The following TOMM70 variants were observed in gnomAD, a reference collection of about 807,000 sequenced individuals.
The protein encoded by TOMM70 is mitochondrial import receptor subunit TOM70.
A neutral mutation model predicts 73.6 loss-of-function variants in TOMM70; 13 were observed. The observed-to-expected ratio is 0.18, with a 90% CI of 0.11 to 0.28. The LOEUF (loss-of-function observed/expected upper bound fraction) is 0.28, where lower values mean the gene tolerates loss of function less well. Ranked by LOEUF, TOMM70 falls within the 10% of genes least tolerant of loss-of-function variation. The probability of loss-of-function intolerance (pLI) is 1.00; values close to 1 mark genes in which losing one functional copy is unlikely to be tolerated. For synonymous variants in TOMM70, 257 were observed against 271.2 expected (o/e 0.95, Z 0.51); for missense variants, 609 against 747.5 (o/e 0.81, Z 2.16).
At chr3:100,389,912 C>G (rs1161496615) in intron 1 of TOMM70, among the ~76,000 whole-genome samples, 1 of 152,032 alleles carries the variant, frequency 6.6e-6, no homozygotes, top group African/African-American at 2.4e-5. Flanking sequence ...TGGTGGCAGG[C>G]ACCTGTAGTC....
At chr3:100,386,095 T>C (rs1459139388) in intron 3 of TOMM70, 123 bp downstream of exon 3, 2 of 1,081,656 alleles carry the variant, frequency 1.8e-6, no homozygotes, top group Non-Finnish European at 2.6e-6. Context: ...CAATCTTAAG[T>C]GCAAAGGAAT....
chr3:100,385,310 C>G (rs975414846), intron 3 of TOMM70, among the ~76,000 whole-genome samples: 51 of 152,212 alleles, frequency 3.4e-4, no homozygotes, highest in African/African-American at 1.0e-3. Flanking sequence ...TTAGTAACTT[C>G]AAGGTCTGGT....
At position 100,400,905 on chromosome 3, in the gene TOMM70, A is replaced by G; in HGVS notation, c.45T>C (p.Ala15=). The G allele has an allele frequency of 6.6e-7, 1 of 1,525,396 alleles. No homozygotes were observed. The highest frequency in any genetic ancestry group is 1.2e-5 in the South Asian group (1 of 83,542). 94.5% of individuals were successfully genotyped at this position (1,525,396 alleles called of 1,614,324 possible). The change falls in exon 1 of 12, where the codon GCT becomes GCC. Residue 15 remains alanine (A), a synonymous_variant. Transcript: ENST00000284320. ...KPVEAAVVAA[A]VPSSGSGVGG... ...CCACCCCACTCCCGGAGCTCGGTAC[A>G]GCGGCTGCGACCACCGCTGCCTCCA...
In TOMM70 at chr3:100,384,957, CCT is replaced by C. The variant is rs541700420; in HGVS notation, c.626-371_626-370del. On this transcript the variant is annotated intron_variant, in intron 3 of 11. Coordinates refer to ENST00000284320, the MANE Select transcript of TOMM70 (RefSeq NM_014820.5). The stretch of plus-strand genomic sequence containing the variant: ...TTGTTTATAGGCCTCAGAGTTATTC[CCT>C]GTCTCCAAAGCCATCTTGCCACAGA... Among the ~76,000 whole-genome samples, 312 of 152,254 alleles carry C rather than the reference CCT, an allele frequency of 2.0e-3. 1 individual carries two copies. Among genetic ancestry groups the C allele is most frequent in the African/African-American group, 7.1e-3 (295 of 41,528 alleles).
chr3:100,376,866 T>A lies in TOMM70; in HGVS notation c.1092+839A>T, dbSNP rs113253915. On this transcript the variant is annotated intron_variant, in intron 6 of 11. Transcript: ENST00000284320. Reference sequence around the variant, plus strand: ...CATACATATAGAACAAATAATAACATCCTCCACAATTATAACAAAAACATA... The same window carrying A: ...CATACATATAGAACAAATAATAACAACCTCCACAATTATAACAAAAACATA... Among the ~76,000 whole-genome samples, 938 of 152,144 alleles carry A rather than the reference T, an allele frequency of 6.2e-3. 8 individuals are homozygous for A. The highest frequency in any genetic ancestry group is 0.021 in the African/African-American group (877 of 41,490).
intron 1 of TOMM70, among the ~76,000 whole-genome samples, chr3:100,387,635 C>CACACACACACGT (rs1437188432): frequency 1.1e-4 from 12 of 110,082 alleles, no homozygotes; most frequent in African/African-American, 4.4e-4. Flanking sequence ...CACACACACA[C>CACACACACACGT]GTATATACTT....
At chr3:100,395,940 G>A (rs1706821015) in intron 1 of TOMM70, among the ~76,000 whole-genome samples, 2 of 151,320 alleles carry the variant, frequency 1.3e-5, no homozygotes, top group Non-Finnish European at 1.5e-5. Context: ...CTTAGGTAGA[G>A]AGAAGTTTCA....
intron 7 of TOMM70, among the ~76,000 whole-genome samples, chr3:100,374,805 T>A (rs1046997487): frequency 6.6e-6 from 1 of 152,232 alleles, no homozygotes; most frequent in African/African-American, 2.4e-5. Flanking sequence ...TGCCTTCCTT[T>A]ACTCTTTTTT....
At position 100,400,999 on chromosome 3, in the gene TOMM70, C is replaced by A; in HGVS notation, c.-50G>T. 1 of 1,505,642 alleles carries A rather than the reference C, an allele frequency of 6.6e-7. No homozygotes were observed. The highest frequency in any genetic ancestry group is 1.2e-5 in the South Asian group (1 of 82,866). The allele number at this position is 1,505,642 out of a possible 1,614,324, so 93.3% of individuals were successfully genotyped here. A position where few individuals can be genotyped will look rare whatever the true frequency, so the allele number is the denominator to read the frequency against. ...CCCTGTCTGTCGCGAGCGCCACAAT[C>A]ACCAAACAGCGTGCGAAGGAAGACC... On this transcript the variant is annotated 5_prime_UTR_variant, in exon 1 of 12. Coordinates refer to ENST00000284320, the MANE Select transcript of TOMM70 (RefSeq NM_014820.5).
intron 1 of TOMM70, 25 bp downstream of exon 1, chr3:100,400,601 T>A (rs780358469): frequency 1.9e-6 from 3 of 1,604,776 alleles, no homozygotes; most frequent in Non-Finnish European, 2.6e-6. Flanking sequence ...AGTTTCCTCC[T>A]CTACGGCCTG....
intron 1 of TOMM70, among the ~76,000 whole-genome samples, chr3:100,395,542 C>CA (rs59048767): frequency 0.24 from 19,512 of 80,644 alleles, 3,029 homozygotes; most frequent in East Asian, 0.49. Context: ...GACTCCAACT[C>CA]AAAAAAAAAA....
At chr3:100,387,631 C>G (rs1377350309) in intron 1 of TOMM70, among the ~76,000 whole-genome samples, 9 of 128,050 alleles carry the variant, frequency 7.0e-5, no homozygotes. Context: ...CACACACACA[C>G]ACACGTATAT....
chr3:100,368,230 TAATATGA>T (rs1269775490), intron 10 of TOMM70, 64 bp from the exon 11 acceptor site: 6 of 1,515,214 alleles, frequency 4.0e-6, no homozygotes, highest in Non-Finnish European at 5.3e-6. Context: ...ACACACACAT[TAATATGA>T]CTCAATTTCT....
rs758285565 is a variant in TOMM70, at chr3:100,400,696, G to T, written c.254C>A (p.Thr85Asn). The stretch of plus-strand genomic sequence containing the variant: ...GGCCGGACTGGCCCTGCCCTCCGGG[G>T]TCTTCCGTTCGCTGTTGCGCTTCAG... ...SGLKRNSERK[T>N]PEGRASPAPG... The change falls in exon 1 of 12, where the codon ACC becomes AAC. Residue 85 changes from threonine to asparagine, a missense_variant. Transcript: ENST00000284320. 1.2e-6 allele frequency: 2 copies of T among 1,611,672 alleles called. No individual in the cohort carries two copies. The highest frequency in any genetic ancestry group is 4.5e-5 in the East Asian group (2 of 44,830).
chr3:100,363,544 A>G lies in TOMM70; in HGVS notation c.*2020T>C, dbSNP rs1366722487. 1.3e-5 allele frequency: 2 copies of G among 152,672 alleles called. No individual in the cohort carries two copies. The highest frequency in any genetic ancestry group is 6.5e-5 in the Admixed American group (1 of 15,276). 9.5% of individuals were successfully genotyped at this position (152,672 alleles called of 1,614,324 possible). On this transcript the variant is annotated 3_prime_UTR_variant, in exon 12 of 12. Transcript: ENST00000284320. ...TACAGACAGATGCAGCTTTCAGTGC[A>G]GTTTCAAACATTTTCACAACAGGCA... is the stretch of plus-strand genomic sequence containing the variant.
At chr3:100,367,519 A>G (rs1428026234) in intron 11 of TOMM70, among the ~76,000 whole-genome samples, 1 of 152,224 alleles carries the variant, frequency 6.6e-6, no homozygotes, top group African/African-American at 2.4e-5. Flanking sequence ...TAGGGATCAT[A>G]TAATCTCCAC....
At chr3:100,380,353 A>AG (rs1706619440) in intron 5 of TOMM70, among the ~76,000 whole-genome samples, 1 of 152,096 alleles carries the variant, frequency 6.6e-6, no homozygotes, top group Non-Finnish European at 1.5e-5. Context: ...TCAAAAAAAA[A>AG]AGAGAAAACG....
At chr3:100,373,015 A>C (rs571463123) in intron 8 of TOMM70, among the ~76,000 whole-genome samples, 63 of 152,102 alleles carry the variant, frequency 4.1e-4, no homozygotes, top group African/African-American at 1.4e-3. Context: ...ATCTAGTAAA[A>C]TTTTTGTCAT....
chr3:100,400,571 A>C (rs1706884276), intron 1 of TOMM70, 55 bp downstream of exon 1: 1 of 1,570,290 alleles, frequency 6.4e-7, no homozygotes, highest in Non-Finnish European at 8.7e-7. Flanking sequence ...ACAACCCGCC[A>C]AGGAAAAGCT....
Sources: gnomAD v4.1 joint callset for allele counts (sites outside exome capture counted in the v4.1 genomes callset) on GRCh38, gnomAD v4.1.1 for gene constraint, MANE v1.5 for transcripts, NCBI Gene and HGNC (gene_info 2026-07-23, HGNC 2026-07-21) for gene names.